FBN2: variants seen among roughly 807,000 people sequenced by gnomAD.
FBN2 encodes the protein fibrillin-2.
A neutral mutation model predicts 355.6 loss-of-function variants in FBN2; 105 were observed. That is an observed-to-expected ratio of 0.30 (90% CI 0.25 to 0.35). The LOEUF (loss-of-function observed/expected upper bound fraction) is 0.35, where lower values mean the gene tolerates loss of function less well. FBN2 is among the 10% of genes least tolerant of loss of function. The pLI, the probability that FBN2 is intolerant of heterozygous loss-of-function variation, is 1.00. For synonymous variants in FBN2, 1,350 were observed against 1,301.2 expected (o/e 1.04, Z -0.81); for missense variants, 3,280 against 3,758.7 (o/e 0.87, Z 3.33).
chr5:128,334,863 A>G lies in FBN2; in HGVS notation c.3974-19T>C, dbSNP rs112950479. 355 of 1,595,422 alleles carry G rather than the reference A, an allele frequency of 2.2e-4. 4 individuals carry two copies. In the African/African-American group the frequency reaches 3.2e-3, roughly 15 times the overall value. On this transcript the variant is annotated intron_variant, in intron 30 of 64. Coordinates refer to ENST00000262464, the MANE Select transcript of FBN2 (RefSeq NM_001999.4). ...TTGACATCTAGAAAATTTATTTTCA[A>G]TATCTTAGTATGTGCTCATCACAGT...
At chr5:128,328,337 C>A (rs1750607720) in intron 34 of FBN2, 1 of 512,652 alleles carries the variant, frequency 2.0e-6, no homozygotes, top group Non-Finnish European at 3.5e-6. Flanking sequence ...TTGATAAACA[C>A]AATAAATAGT....
chr5:128,504,849 G>A (rs1042689142), intron 5 of FBN2, among the ~76,000 whole-genome samples: 69 of 152,148 alleles, frequency 4.5e-4, no homozygotes, highest in African/African-American at 1.7e-3. Context: ...TTTGGGAGGA[G>A]CCCGGGGCAG....
chr5:128,354,900 AT>A (rs887822936), intron 20 of FBN2, among the ~76,000 whole-genome samples: 14 of 152,214 alleles, frequency 9.2e-5, no homozygotes, highest in African/African-American at 3.4e-4. Context: ...CAAATCTGGA[AT>A]TGGTGGCAAG....
chr5:128,530,484 G>T, intron 3 of FBN2, 111 bp downstream of exon 3: 3 of 741,798 alleles, frequency 4.0e-6, no homozygotes, highest in Non-Finnish European at 7.3e-6. Context: ...TTGATGTAAG[G>T]ATTAACTAAA....
At chr5:128,525,290 CTT>C (rs1756533925) in intron 4 of FBN2, among the ~76,000 whole-genome samples, 1 of 152,120 alleles carries the variant, frequency 6.6e-6, no homozygotes, top group Admixed American at 6.6e-5. Context: ...GGTTATGAAA[CTT>C]TGCAAAACAG....
At chr5:128,277,840 T>A (rs374577668) in intron 58 of FBN2, 40 bp downstream of exon 58, 1 of 1,612,168 alleles carries the variant, frequency 6.2e-7, no homozygotes, top group African/African-American at 1.3e-5. Context: ...AGTAGCTGAT[T>A]AGCCCCCAAA....
chr5:128,393,044 C>G, intron 10 of FBN2, 91 bp downstream of exon 10: 2 of 1,041,586 alleles, frequency 1.9e-6, no homozygotes, highest in Non-Finnish European at 3.0e-6. Context: ...TGTGTTCATA[C>G]AACCCTTTTG....
At chr5:128,463,556 C>A (rs897184582) in intron 6 of FBN2, among the ~76,000 whole-genome samples, 2 of 152,140 alleles carry the variant, frequency 1.3e-5, no homozygotes, top group African/African-American at 4.8e-5. Flanking sequence ...TAAAAATATA[C>A]CTTTTATAAA....
At chr5:128,465,670 A>G (rs1485090109) in intron 5 of FBN2, among the ~76,000 whole-genome samples, 1 of 152,202 alleles carries the variant, frequency 6.6e-6, no homozygotes, top group East Asian at 1.9e-4. Context: ...GTAAGTTAGT[A>G]TTATATGATC....
intron 17 of FBN2, 125 bp from the exon 18 acceptor site, chr5:128,364,850 C>T: frequency 1.2e-6 from 1 of 803,628 alleles, no homozygotes; most frequent in Non-Finnish European, 2.1e-6. Context: ...AATTTGCCTG[C>T]CTTTCAGAAA....
chr5:128,349,238 A>G, intron 23 of FBN2, 109 bp downstream of exon 23: 2 of 1,296,598 alleles, frequency 1.5e-6, no homozygotes, highest in Non-Finnish European at 1.1e-6. Context: ...TCTCATTTAA[A>G]GCAAGTTTTC....
intron 49 of FBN2, 129 bp from the exon 50 acceptor site, chr5:128,291,013 C>T (rs1749307052): frequency 2.5e-6 from 2 of 792,052 alleles, no homozygotes; most frequent in African/African-American, 1.7e-5. Context: ...TCTTCGATTG[C>T]TGATTTCATT....
chr5:128,332,766 A>C, intron 32 of FBN2, 146 bp downstream of exon 32: 1 of 805,972 alleles, frequency 1.2e-6, no homozygotes, highest in Non-Finnish European at 2.1e-6. Context: ...GGTAAAGGAC[A>C]CCCTTAGGCA....
At chr5:128,456,396 C>T (rs533230991) in intron 6 of FBN2, among the ~76,000 whole-genome samples, 24 of 152,220 alleles carry the variant, frequency 1.6e-4, no homozygotes, top group Middle Eastern at 3.4e-3. Flanking sequence ...GCAGCCCGGC[C>T]GAGTGGGTTT....
chr5:128,428,130 C>A lies in FBN2; in HGVS notation c.952+18351G>T, dbSNP rs540807106. ...CTTCTCATCACTTTTACCACAAAAACCCCTGGTCCAAGCTACCATCAAGTC... is the reference window on the plus strand; with the variant it reads ...CTTCTCATCACTTTTACCACAAAAAACCCTGGTCCAAGCTACCATCAAGTC... On this transcript the variant is annotated intron_variant, in intron 7 of 64. Transcript: ENST00000262464. 7.2e-5 allele frequency among the ~76,000 whole-genome samples: 11 copies of A among 152,258 alleles called. No homozygotes were observed. In the East Asian group the frequency reaches 2.1e-3, roughly 29 times the overall value.
At chr5:128,331,068 A>G (rs1028010972) in intron 32 of FBN2, among the ~76,000 whole-genome samples, 13 of 152,218 alleles carry the variant, frequency 8.5e-5, no homozygotes, top group African/African-American at 3.1e-4. Context: ...ATTAACAAAG[A>G]GTTTTTAAGT....
At chr5:128,499,462 T>C (rs1020930027) in intron 5 of FBN2, among the ~76,000 whole-genome samples, 5 of 152,196 alleles carry the variant, frequency 3.3e-5, no homozygotes, top group African/African-American at 1.2e-4. Context: ...ATGGGTCCTA[T>C]GGCTCCAGAG....
At chr5:128,336,235 G>T in intron 27 of FBN2, 122 bp from the exon 28 acceptor site, 1 of 902,774 alleles carries the variant, frequency 1.1e-6, no homozygotes, top group Non-Finnish European at 1.8e-6. Flanking sequence ...GAAGTAAAAT[G>T]TTCTCCTGGG....
At chr5:128,470,160 CAGG>C (rs1209767560) in intron 5 of FBN2, among the ~76,000 whole-genome samples, 1 of 152,122 alleles carries the variant, frequency 6.6e-6, no homozygotes, top group African/African-American at 2.4e-5. Context: ...GGGAGAGCAA[CAGG>C]AGATTGTACT....
Sources: allele counts gnomAD v4.1 joint callset (sites outside exome capture counted in the v4.1 genomes callset), GRCh38; gene constraint gnomAD v4.1.1; transcripts MANE v1.5; gene names NCBI Gene and HGNC (gene_info 2026-07-23, HGNC 2026-07-21).